DDHD1: variants seen among roughly 807,000 people sequenced by gnomAD.
DDHD1 encodes the protein DDHD domain containing 1.
Under a neutral mutation model 96.4 loss-of-function variants are expected in DDHD1, and 49 were observed. The observed-to-expected ratio is 0.51, with a 90% CI of 0.40 to 0.64. The LOEUF (loss-of-function observed/expected upper bound fraction) is 0.64, where lower values mean the gene tolerates loss of function less well. DDHD1 is among the 30% of genes least tolerant of loss of function. The pLI is 0.00. For missense variants in DDHD1, 1,106 were observed against 1,161.2 expected, an observed-to-expected ratio of 0.95 and a Z score of 0.69; for synonymous variants, 442 against 446.5, an observed-to-expected ratio of 0.99 and a Z score of 0.13.
chr14:53,113,777 G>T (rs1415901212), intron 1 of DDHD1, among the ~76,000 whole-genome samples: 1 of 152,172 alleles, frequency 6.6e-6, no homozygotes, highest in Admixed American at 6.5e-5. Context: ...CAGGACCCTG[G>T]GCTTCAAGCA....
At chr14:53,111,641 C>G (rs991395460) in intron 1 of DDHD1, among the ~76,000 whole-genome samples, 3 of 151,956 alleles carry the variant, frequency 2.0e-5, no homozygotes, top group Admixed American at 6.6e-5. Flanking sequence ...ATTACCCCCC[C>G]CCAAAAAAAT....
At chr14:53,100,112 T>C (rs1290668420) in intron 2 of DDHD1, among the ~76,000 whole-genome samples, 1 of 152,138 alleles carries the variant, frequency 6.6e-6, no homozygotes, top group East Asian at 1.9e-4. Context: ...AAAACCAACA[T>C]GGTGTACAAC....
intron 1 of DDHD1, among the ~76,000 whole-genome samples, chr14:53,106,159 T>C (rs1875108767): frequency 6.6e-6 from 1 of 152,228 alleles, no homozygotes; most frequent in African/African-American, 2.4e-5. Context: ...CTTTTTACTT[T>C]GTCAGAACAT....
intron 6 of DDHD1, 55 bp from the exon 7 acceptor site, chr14:53,063,260 C>T: frequency 6.5e-7 from 1 of 1,549,692 alleles, no homozygotes; most frequent in East Asian, 2.3e-5. Flanking sequence ...CTACTATACA[C>T]TTATTCTAAA....
intron 1 of DDHD1, among the ~76,000 whole-genome samples, chr14:53,110,797 G>C (rs570535156): frequency 6.6e-6 from 1 of 152,216 alleles, no homozygotes; most frequent in Admixed American, 6.5e-5. Flanking sequence ...CCAACATGGT[G>C]AAACCCTGTC....
chr14:53,055,959 A>G, intron 9 of DDHD1, 47 bp from the exon 10 acceptor site: 1 of 1,526,678 alleles, frequency 6.6e-7, no homozygotes, highest in Non-Finnish European at 8.9e-7. Flanking sequence ...TTAAATCACA[A>G]TGCTTGGATT....
At chr14:53,094,956 C>G (rs1449039735) in intron 2 of DDHD1, among the ~76,000 whole-genome samples, 1 of 152,070 alleles carries the variant, frequency 6.6e-6, no homozygotes, top group African/African-American at 2.4e-5. Context: ...AATTCGTAAG[C>G]CCCAGGAGCC....
intron 4 of DDHD1, among the ~76,000 whole-genome samples, chr14:53,090,906 A>C (rs890362373): frequency 6.6e-6 from 1 of 152,156 alleles, no homozygotes; most frequent in Non-Finnish European, 1.5e-5. Flanking sequence ...TTTAACTTTA[A>C]TCCGTTAGCT....
At chr14:53,068,052 T>C (rs1432137532) in intron 6 of DDHD1, among the ~76,000 whole-genome samples, 1 of 152,136 alleles carries the variant, frequency 6.6e-6, no homozygotes, top group African/African-American at 2.4e-5. Context: ...ATAAATTTAT[T>C]TTGATATAAT....
chr14:53,152,134 C>A, intron 1 of DDHD1, 127 bp downstream of exon 1: 1 of 975,408 alleles, frequency 1.0e-6, no homozygotes, highest in Admixed American at 3.3e-5. Context: ...AATCTCCATC[C>A]TGCCCCAGCC....
At chr14:53,105,502 T>C (rs1330926456) in intron 1 of DDHD1, among the ~76,000 whole-genome samples, 4 of 152,230 alleles carry the variant, frequency 2.6e-5, no homozygotes, top group Admixed American at 6.5e-5. Flanking sequence ...CTAAAAAATA[T>C]TATAACTTCA....
chr14:53,081,361 C>G (rs1434757864), intron 4 of DDHD1, among the ~76,000 whole-genome samples: 1 of 152,198 alleles, frequency 6.6e-6, no homozygotes, highest in Admixed American at 6.5e-5. Context: ...TCTACCCACT[C>G]ATTCAATTTT....
chr14:53,089,653 A>T (rs757912254), intron 4 of DDHD1, among the ~76,000 whole-genome samples: 2 of 152,200 alleles, frequency 1.3e-5, no homozygotes, highest in Non-Finnish European at 2.9e-5. Flanking sequence ...CTGAAACTGG[A>T]TCCCTTCCTT....
chr14:53,152,625 C>A lies in DDHD1; in HGVS notation c.474G>T (p.Glu158Asp), dbSNP rs1891514000. ...LGGPAARHRYEVVTELGPEEV... is the reference protein window; with the variant it reads ...LGGPAARHRYDVVTELGPEEV... ...CCTCCGGGCCCAGCTCCGTCACTAC[C>A]TCATAGCGGTGCCGGGCCGCCGGGC... The change falls in exon 1 of 13, where the codon GAG (glutamate) becomes GAT (aspartate). Residue 158 changes from glutamate (E) to aspartate (D), a missense_variant. Physicochemically the swap from Glu to Asp is conservative, Grantham distance 45 (BLOSUM62 2). This residue lies in a region of DDHD1 where 456 missense variants were observed against 402.4 expected (regional missense o/e 1.13). Transcript: ENST00000673822. 1 of 1,613,518 alleles carries A rather than the reference C, an allele frequency of 6.2e-7. No individual in the cohort carries two copies. The highest frequency in any genetic ancestry group is 1.3e-5 in the African/African-American group (1 of 75,060).
intron 6 of DDHD1, among the ~76,000 whole-genome samples, chr14:53,067,542 C>T (rs1311922496): frequency 1.3e-5 from 2 of 151,824 alleles, no homozygotes; most frequent in African/African-American, 2.4e-5. Context: ...ACTGCAAGCT[C>T]TGCCTCCTGG....
chr14:53,127,260 T>G (rs1417589528), intron 1 of DDHD1, among the ~76,000 whole-genome samples: 1 of 152,206 alleles, frequency 6.6e-6, no homozygotes, highest in Non-Finnish European at 1.5e-5. Flanking sequence ...CTAAGCTTCA[T>G]TATCTGCTCA....
intron 1 of DDHD1, among the ~76,000 whole-genome samples, chr14:53,121,408 T>C (rs994544257): frequency 6.6e-6 from 1 of 152,232 alleles, no homozygotes; most frequent in Non-Finnish European, 1.5e-5. Context: ...AAATACCATT[T>C]GATCCAGCAA....
chr14:53,114,165 T>C lies in DDHD1; in HGVS notation c.839-10309A>G, dbSNP rs117173913. ...AGCGGCTGTCACCAGACTGCCTCTC[T>C]AGATTCCTCCTCACTGGGCGGAGCA... On this transcript the variant is annotated intron_variant, in intron 1 of 12. Transcript: ENST00000673822. 7.7e-4 allele frequency among the ~76,000 whole-genome samples: 118 copies of C among 152,328 alleles called. 5 individuals are homozygous for C. The East Asian group carries it at 0.017, about 22-fold the overall frequency.
intron 1 of DDHD1, among the ~76,000 whole-genome samples, chr14:53,129,949 C>T (rs567813010): frequency 2.0e-5 from 3 of 152,160 alleles, no homozygotes; most frequent in Non-Finnish European, 2.9e-5. Flanking sequence ...TTTTACACAT[C>T]GGTCCCTCCC....
Sources: gnomAD v4.1 joint callset for allele counts (sites outside exome capture counted in the v4.1 genomes callset) on GRCh38, gnomAD v4.1.1 for gene constraint, gnomAD v4.1.1 regional missense constraint, MANE v1.5 for transcripts, NCBI Gene and HGNC (gene_info 2026-07-23, HGNC 2026-07-21) for gene names.